The following SMYD3 variants were observed in gnomAD, a reference collection of about 807,000 sequenced individuals.
SMYD3 encodes the protein SET and MYND domain containing 3.
SMYD3 carries 36 observed loss-of-function variants against 57.7 expected under a neutral mutation model. That is an observed-to-expected ratio of 0.62 (90% CI 0.48 to 0.82). The LOEUF (loss-of-function observed/expected upper bound fraction) is 0.82. Among genes scored for constraint, SMYD3 ranks in the 40% least tolerant of loss-of-function variants. The pLI, the probability that SMYD3 is intolerant of heterozygous loss-of-function variation, is 0.00. For synonymous variants in SMYD3, 211 were observed against 195.0 expected, an observed-to-expected ratio of 1.08 and a Z score of -0.68; for missense variants, 515 against 538.8, an observed-to-expected ratio of 0.96 and a Z score of 0.44.
chr1:245,869,840 T>G (rs1222105031), intron 8 of SMYD3, among the ~76,000 whole-genome samples: 1 of 152,202 alleles, frequency 6.6e-6, no homozygotes, highest in Non-Finnish European at 1.5e-5. Context: ...ACCACTCCAT[T>G]TAAGTCTTTG....
chr1:245,815,837 C>A (rs2048775130), intron 10 of SMYD3, among the ~76,000 whole-genome samples: 1 of 152,194 alleles, frequency 6.6e-6, no homozygotes, highest in South Asian at 2.1e-4. Flanking sequence ...TGTTTCACAG[C>A]CTTCACAGCC....
At chr1:246,341,477 G>C (rs947582805) in intron 2 of SMYD3, among the ~76,000 whole-genome samples, 2 of 152,068 alleles carry the variant, frequency 1.3e-5, no homozygotes, top group African/African-American at 4.8e-5. Context: ...GCATGAAACA[G>C]GTGTTCAATA....
chr1:246,045,810 C>A (rs947548129), intron 5 of SMYD3, among the ~76,000 whole-genome samples: 74 of 152,072 alleles, frequency 4.9e-4, no homozygotes, highest in Non-Finnish European at 1.1e-3. Flanking sequence ...AAAAAGTGGG[C>A]AAAGGATATG....
chr1:245,885,465 T>C (rs1471480010), intron 8 of SMYD3, among the ~76,000 whole-genome samples: 1 of 152,200 alleles, frequency 6.6e-6, no homozygotes, highest in Non-Finnish European at 1.5e-5. Context: ...TGTTCTTTGT[T>C]AGAAAAGATG....
chr1:246,185,513 G>C (rs755079684), intron 5 of SMYD3, among the ~76,000 whole-genome samples: 14 of 142,714 alleles, frequency 9.8e-5, no homozygotes, highest in Non-Finnish European at 1.7e-4. Context: ...GGAGTGTGGA[G>C]TGCAGTGGCG....
At chr1:246,121,432 C>CAAAAAA (rs10646615) in intron 5 of SMYD3, among the ~76,000 whole-genome samples, 2 of 100,294 alleles carry the variant, frequency 2.0e-5, no homozygotes, top group Non-Finnish European at 3.8e-5. Context: ...TTCCATTTTG[C>CAAAAAA]AAAAAAAAAA....
intron 5 of SMYD3, among the ~76,000 whole-genome samples, chr1:246,022,555 G>C (rs1034400783): frequency 2.0e-5 from 3 of 152,138 alleles, no homozygotes; most frequent in African/African-American, 7.2e-5. Context: ...ACATATACGA[G>C]CTCAATAAAT....
chr1:245,950,159 TA>T (rs2057577265), intron 5 of SMYD3, among the ~76,000 whole-genome samples: 1 of 152,158 alleles, frequency 6.6e-6, no homozygotes, highest in South Asian at 2.1e-4. Flanking sequence ...AAAAGAAATT[TA>T]AAACATTTTT....
At chr1:246,271,675 G>C (rs549722925) in intron 5 of SMYD3, among the ~76,000 whole-genome samples, 1 of 152,292 alleles carries the variant, frequency 6.6e-6, no homozygotes, top group South Asian at 2.1e-4. Flanking sequence ...CTTTATGCCA[G>C]TAACACACTG....
At chr1:246,180,935 T>C (rs1344595729) in intron 5 of SMYD3, among the ~76,000 whole-genome samples, 1 of 152,086 alleles carries the variant, frequency 6.6e-6, no homozygotes, top group Non-Finnish European at 1.5e-5. Flanking sequence ...TGTGACGTGC[T>C]TTAAAAGCAA....
At chr1:246,434,055 A>C (rs900763294) in intron 1 of SMYD3, among the ~76,000 whole-genome samples, 1 of 152,212 alleles carries the variant, frequency 6.6e-6, no homozygotes, top group Admixed American at 6.5e-5. Context: ...GTGCTGGGAT[A>C]GGCTACCTAT....
intron 8 of SMYD3, among the ~76,000 whole-genome samples, chr1:245,893,475 G>GA (rs1239696166): frequency 6.9e-6 from 1 of 144,080 alleles, no homozygotes; most frequent in Non-Finnish European, 1.5e-5. Flanking sequence ...CCTTCACTTA[G>GA]AAAAACAAAC....
chr1:245,936,298 T>G (rs2056975540), intron 5 of SMYD3, among the ~76,000 whole-genome samples: 1 of 152,090 alleles, frequency 6.6e-6, no homozygotes, highest in Non-Finnish European at 1.5e-5. Context: ...TTATAGAGCA[T>G]CTCAAGACAT....
At chr1:246,192,295 T>C (rs753409716) in intron 5 of SMYD3, among the ~76,000 whole-genome samples, 3 of 152,192 alleles carry the variant, frequency 2.0e-5, no homozygotes, top group Non-Finnish European at 4.4e-5. Flanking sequence ...TTTACTTTTT[T>C]AATTTATAAG....
At chr1:246,153,307 CCT>C (rs2061972830) in intron 5 of SMYD3, among the ~76,000 whole-genome samples, 1 of 152,024 alleles carries the variant, frequency 6.6e-6, no homozygotes, top group Non-Finnish European at 1.5e-5. Context: ...TGTTCCACAT[CCT>C]CTCTGTCTCC....
At chr1:246,121,502 G>A (rs2061425844) in intron 5 of SMYD3, among the ~76,000 whole-genome samples, 2 of 137,760 alleles carry the variant, frequency 1.5e-5, no homozygotes, top group African/African-American at 2.8e-5. Flanking sequence ...AAAAATGAAA[G>A]AGTCCAAAAT....
At chr1:246,097,795 G>A (rs1013057990) in intron 5 of SMYD3, among the ~76,000 whole-genome samples, 6 of 152,142 alleles carry the variant, frequency 3.9e-5, no homozygotes, top group African/African-American at 1.4e-4. Flanking sequence ...AAATCACTTT[G>A]TGTGGCACCT....
At position 246,247,115 on chromosome 1, in the gene SMYD3, G is replaced by A. The variant is rs1017730145; in HGVS notation, c.531+80086C>T. On this transcript the variant is annotated intron_variant, in intron 5 of 11. Coordinates refer to ENST00000490107, the MANE Select transcript of SMYD3 (RefSeq NM_001167740.2). ...TTGGCAGCTGATCTGAATCCAGGTC[G>A]CTACTCTGTAGTCAGCTGTGTTGTA... 3.3e-5 allele frequency among the ~76,000 whole-genome samples: 5 copies of A among 152,062 alleles called. No homozygotes were observed. The East Asian group carries it at 5.8e-4, about 18-fold the overall frequency.
intron 1 of SMYD3, among the ~76,000 whole-genome samples, chr1:246,370,519 T>C (rs983547773): frequency 6.6e-6 from 1 of 152,250 alleles, no homozygotes; most frequent in African/African-American, 2.4e-5. Flanking sequence ...GTAGCCTCAA[T>C]TTCCTCCTCT....
Sources: allele counts gnomAD v4.1 joint callset (sites outside exome capture counted in the v4.1 genomes callset), GRCh38; gene constraint gnomAD v4.1.1; transcripts MANE v1.5; gene names NCBI Gene and HGNC (gene_info 2026-07-23, HGNC 2026-07-21).